RFX3: variants seen among roughly 807,000 people sequenced by gnomAD.
The protein encoded by RFX3 is transcription factor RFX3.
Under a neutral mutation model 98.6 loss-of-function variants are expected in RFX3, and 14 were observed. That is an observed-to-expected ratio of 0.14 (90% confidence interval 0.09 to 0.22). The LOEUF is 0.22. Ranked by LOEUF, RFX3 falls within the 10% of genes least tolerant of loss-of-function variation. The pLI is 1.00. For synonymous variants in RFX3, 383 were observed against 328.4 expected (o/e 1.17, Z -1.80); for missense variants, 639 against 926.9 (o/e 0.69, Z 4.03).
At chr9:3,363,917 C>T (rs1271274056) in intron 2 of RFX3, among the ~76,000 whole-genome samples, 1 of 152,216 alleles carries the variant, frequency 6.6e-6, no homozygotes, top group Non-Finnish European at 1.5e-5. Context: ...ACTTTGTCAC[C>T]CAGGCTGGAG....
At chr9:3,407,930 G>T (rs1227416533) in intron 1 of RFX3, among the ~76,000 whole-genome samples, 1 of 152,132 alleles carries the variant, frequency 6.6e-6, no homozygotes, top group Non-Finnish European at 1.5e-5. Context: ...TTAGGGCTCA[G>T]AAAATGTTAA....
chr9:3,478,660 A>C (rs954503865), intron 1 of RFX3, among the ~76,000 whole-genome samples: 2 of 152,130 alleles, frequency 1.3e-5, no homozygotes, highest in African/African-American at 2.4e-5. Flanking sequence ...GATCAGTCAG[A>C]GGTGACATTC....
intron 2 of RFX3, among the ~76,000 whole-genome samples, chr9:3,356,092 A>T (rs1013392650): frequency 6.6e-6 from 1 of 151,128 alleles, no homozygotes; most frequent in African/African-American, 2.4e-5. Flanking sequence ...AAAAAATCTA[A>T]GGCAATAACC....
At chr9:3,351,979 A>G (rs1340358851) in intron 2 of RFX3, among the ~76,000 whole-genome samples, 2 of 151,990 alleles carry the variant, frequency 1.3e-5, no homozygotes, top group African/African-American at 4.8e-5. Flanking sequence ...AAAATTTCAA[A>G]AAATACGTAA....
chr9:3,259,210 G>C (rs1164960581), intron 13 of RFX3, among the ~76,000 whole-genome samples: 3 of 151,814 alleles, frequency 2.0e-5, no homozygotes, highest in African/African-American at 7.2e-5. Flanking sequence ...AAACTTACTA[G>C]TATCCATGAA....
At chr9:3,492,662 G>C (rs1453863899) in intron 1 of RFX3, among the ~76,000 whole-genome samples, 3 of 152,150 alleles carry the variant, frequency 2.0e-5, no homozygotes, top group Non-Finnish European at 2.9e-5. Context: ...GGCATGCTAT[G>C]GCAAAGAGCC....
chr9:3,297,915 T>C (rs1171294931), intron 5 of RFX3, among the ~76,000 whole-genome samples: 1 of 151,900 alleles, frequency 6.6e-6, no homozygotes, highest in East Asian at 1.9e-4. Flanking sequence ...GTAAAATAAG[T>C]AGTTTGTAAA....
At chr9:3,284,616 TTG>T (rs1826336612) in intron 7 of RFX3, among the ~76,000 whole-genome samples, 1 of 151,638 alleles carries the variant, frequency 6.6e-6, no homozygotes, top group Admixed American at 6.6e-5. Flanking sequence ...AGAGTGATAT[TTG>T]AAATATTTAC....
intron 7 of RFX3, among the ~76,000 whole-genome samples, chr9:3,280,125 T>A (rs1825743534): frequency 6.6e-6 from 1 of 151,758 alleles, no homozygotes; most frequent in Non-Finnish European, 1.5e-5. Context: ...TGGACAGAGA[T>A]TGAGCAAAGA....
intron 1 of RFX3, among the ~76,000 whole-genome samples, chr9:3,476,668 T>A (rs151308794): frequency 1.4e-4 from 21 of 152,346 alleles, no homozygotes; most frequent in African/African-American, 5.0e-4. Flanking sequence ...TTATGTATCA[T>A]AAGCCCATCA....
chr9:3,492,061 A>T (rs922332608), intron 1 of RFX3, among the ~76,000 whole-genome samples: 6 of 152,184 alleles, frequency 3.9e-5, no homozygotes, highest in African/African-American at 1.4e-4. Context: ...TATTCAAAAT[A>T]TCTACTCTGC....
intron 2 of RFX3, among the ~76,000 whole-genome samples, chr9:3,370,575 G>A (rs1055212168): frequency 2.0e-5 from 3 of 152,004 alleles, no homozygotes; most frequent in Admixed American, 6.6e-5. Flanking sequence ...ATTGGGACGA[G>A]CCAGAGGAAA....
chr9:3,286,166 T>G lies in RFX3; in HGVS notation c.851+1965A>C, dbSNP rs559655346. Among the ~76,000 whole-genome samples, 262 of 151,916 alleles carry G rather than the reference T, an allele frequency of 1.7e-3. 3 individuals are homozygous for G. Among genetic ancestry groups the G allele is most frequent in the African/African-American group, 6.1e-3 (254 of 41,514 alleles). The stretch of plus-strand genomic sequence containing the variant: ...CTTGATTTCACCATCATCTCCACTG[T>G]GTAGTGGTGCTATGCATGAGTGCAG... On this transcript the variant is annotated intron_variant, in intron 7 of 16. Coordinates refer to ENST00000617270, the MANE Select transcript of RFX3 (RefSeq NM_001282116.2).
intron 4 of RFX3, among the ~76,000 whole-genome samples, chr9:3,306,533 C>T (rs748860685): frequency 3.4e-4 from 46 of 137,194 alleles, no homozygotes; most frequent in Non-Finnish European, 5.9e-4. Flanking sequence ...ATGGGTAAGG[C>T]AGTTCTTTAG....
chr9:3,293,288 C>G, intron 5 of RFX3, 30 bp from the exon 6 acceptor site: 3 of 1,531,684 alleles, frequency 2.0e-6, no homozygotes, highest in Non-Finnish European at 2.6e-6. Flanking sequence ...TAAACACAGA[C>G]AAATCACATA....
At chr9:3,362,872 G>C (rs78487385) in intron 2 of RFX3, among the ~76,000 whole-genome samples, 11 of 152,182 alleles carry the variant, frequency 7.2e-5, no homozygotes, top group African/African-American at 2.4e-4. Flanking sequence ...AAAGGCGAGA[G>C]GGGGAGTGTG....
At chr9:3,361,157 G>A (rs1469741384) in intron 2 of RFX3, among the ~76,000 whole-genome samples, 1 of 152,162 alleles carries the variant, frequency 6.6e-6, no homozygotes, top group African/African-American at 2.4e-5. Context: ...GCTGCTATGT[G>A]ACTGACTAAA....
chr9:3,352,936 T>C (rs112797283), intron 2 of RFX3, among the ~76,000 whole-genome samples: 1 of 151,930 alleles, frequency 6.6e-6, no homozygotes, highest in East Asian at 1.9e-4. Context: ...AGCAAAGACT[T>C]GGAACCAACC....
intron 4 of RFX3, among the ~76,000 whole-genome samples, chr9:3,309,467 G>C (rs980098950): frequency 6.6e-6 from 1 of 151,982 alleles, no homozygotes; most frequent in African/African-American, 2.4e-5. Flanking sequence ...CAGGCAGACA[G>C]TCTCCAAGCA....
Sources: allele counts gnomAD v4.1 joint callset (sites outside exome capture counted in the v4.1 genomes callset), GRCh38; gene constraint gnomAD v4.1.1; transcripts MANE v1.5; gene names NCBI Gene and HGNC (gene_info 2026-07-23, HGNC 2026-07-21).